The following ATE1 variants were observed in gnomAD, a reference collection of about 807,000 sequenced individuals.
ATE1 encodes arginyltransferase 1, also known as arginyl-tRNA--protein transferase 1.
ATE1 carries 36 observed loss-of-function variants against 70.5 expected under a neutral mutation model. The observed-to-expected ratio is 0.51, with a 90% CI of 0.39 to 0.67. The LOEUF is 0.67. Ranked by LOEUF, ATE1 falls within the 30% of genes least tolerant of loss-of-function variation. The pLI is 0.00. For synonymous variants in ATE1, 232 were observed against 219.3 expected (o/e 1.06, Z -0.51); for missense variants, 593 against 629.5 (o/e 0.94, Z 0.62).
At chr10:121,816,783 T>C (rs1222511588) in intron 10 of ATE1, among the ~76,000 whole-genome samples, 2 of 152,192 alleles carry the variant, frequency 1.3e-5, no homozygotes, top group Non-Finnish European at 2.9e-5. Flanking sequence ...TATTTGTAAA[T>C]CAAACTATTT....
At chr10:121,837,001 C>T (rs1451880571) in intron 9 of ATE1, among the ~76,000 whole-genome samples, 184 bp from the exon 10 acceptor site, 1 of 152,064 alleles carries the variant, frequency 6.6e-6, no homozygotes, top group Non-Finnish European at 1.5e-5. Context: ...TAATAAAACC[C>T]TCTACATAAT....
chr10:121,928,233 G>A (rs1952186343), upstream of ATE1: 5 of 1,369,008 alleles, frequency 3.7e-6, no homozygotes, highest in Non-Finnish European at 4.8e-6. Context: ...ACAGGATGGG[G>A]AGAGTCAAGA....
intron 3 of ATE1, among the ~76,000 whole-genome samples, chr10:121,919,706 C>T (rs1188672982): frequency 1.3e-5 from 2 of 151,370 alleles, no homozygotes; most frequent in Admixed American, 6.6e-5. Flanking sequence ...GAGAGTAGCG[C>T]GGCCAACATG....
intron 3 of ATE1, among the ~76,000 whole-genome samples, chr10:121,914,116 G>A (rs971438571): frequency 6.6e-6 from 1 of 152,002 alleles, no homozygotes; most frequent in African/African-American, 2.4e-5. Flanking sequence ...GCCCAGACTG[G>A]AGTACACTGG....
chr10:121,903,636 G>A (rs985608826), intron 5 of ATE1, among the ~76,000 whole-genome samples: 29 of 152,108 alleles, frequency 1.9e-4, no homozygotes, highest in Non-Finnish European at 3.2e-4. Flanking sequence ...GTGCTGAGCT[G>A]AGATGGCACC....
At chr10:121,906,868 G>A (rs1374306927) in intron 5 of ATE1, among the ~76,000 whole-genome samples, 1 of 152,100 alleles carries the variant, frequency 6.6e-6, no homozygotes, top group African/African-American at 2.4e-5. Flanking sequence ...CAAAGTGTGG[G>A]ATTACAGGTG....
chr10:121,816,516 T>C (rs1947548990), intron 10 of ATE1, among the ~76,000 whole-genome samples: 1 of 152,164 alleles, frequency 6.6e-6, no homozygotes, highest in African/African-American at 2.4e-5. Flanking sequence ...ACTGTGTTTG[T>C]TCCCTTTTTG....
chr10:121,906,701 C>A (rs937424420), intron 5 of ATE1, among the ~76,000 whole-genome samples: 2 of 152,022 alleles, frequency 1.3e-5, no homozygotes, highest in Admixed American at 1.3e-4. Context: ...TGGGTTCAAG[C>A]AATACTCCTG....
intron 7 of ATE1, among the ~76,000 whole-genome samples, chr10:121,893,428 C>T (rs1456463609): frequency 6.6e-6 from 1 of 151,702 alleles, no homozygotes; most frequent in Non-Finnish European, 1.5e-5. Context: ...ATCCATAGAA[C>T]AAATGAGAAC....
intron 5 of ATE1, among the ~76,000 whole-genome samples, chr10:121,906,156 G>A (rs919571637): frequency 6.6e-6 from 1 of 152,178 alleles, no homozygotes; most frequent in African/African-American, 2.4e-5. Flanking sequence ...CACTTTGGGA[G>A]GCCAAGGTGA....
chr10:121,833,332 T>A (rs1181657906), intron 10 of ATE1, among the ~76,000 whole-genome samples: 1 of 152,072 alleles, frequency 6.6e-6, no homozygotes, highest in East Asian at 1.9e-4. Flanking sequence ...TTTCTCACTA[T>A]CCTACATACT....
intron 11 of ATE1, among the ~76,000 whole-genome samples, chr10:121,745,643 TGTGAACCCGGGAGGCGGAGTTTGCA>T (rs1249575402): frequency 2.0e-5 from 3 of 152,008 alleles, no homozygotes; most frequent in Non-Finnish European, 4.4e-5. Flanking sequence ...AGGAGAATGG[TGTGAACCCGGGAGGCGGAGTTTGCA>T]GTGAGCCGAG....
chr10:121,827,547 A>C (rs192214299), intron 10 of ATE1, among the ~76,000 whole-genome samples: 1 of 152,286 alleles, frequency 6.6e-6, no homozygotes, highest in African/African-American at 2.4e-5. Flanking sequence ...AATTTCCACT[A>C]ATTTCAACCA....
intron 8 of ATE1, among the ~76,000 whole-genome samples, chr10:121,854,648 T>C (rs889914692): frequency 6.6e-5 from 10 of 152,160 alleles, no homozygotes; most frequent in African/African-American, 2.2e-4. Context: ...TCGTGACCCA[T>C]ATATTATCCC....
chr10:121,839,978 A>G (rs191680995), intron 9 of ATE1, among the ~76,000 whole-genome samples: 83 of 152,328 alleles, frequency 5.4e-4, no homozygotes, highest in African/African-American at 2.0e-3. Flanking sequence ...GAAAAGAGAA[A>G]AGTATGACAC....
chr10:121,776,221 ACT>A (rs1945732825), intron 11 of ATE1, among the ~76,000 whole-genome samples: 1 of 152,160 alleles, frequency 6.6e-6, no homozygotes, highest in Non-Finnish European at 1.5e-5. Flanking sequence ...ACAATAAATT[ACT>A]GTTAACTATA....
intron 6 of ATE1, among the ~76,000 whole-genome samples, chr10:121,900,312 A>C (rs911411951): frequency 2.6e-5 from 4 of 152,172 alleles, no homozygotes; most frequent in African/African-American, 7.2e-5. Flanking sequence ...ATACACACAC[A>C]AATAAATACC....
chr10:121,847,921 A>G (rs1948897558), intron 8 of ATE1, among the ~76,000 whole-genome samples: 1 of 151,536 alleles, frequency 6.6e-6, no homozygotes, highest in African/African-American at 2.4e-5. Flanking sequence ...ACTACAAAAA[A>G]TTAGCCAGGT....
chr10:121,891,723 A>G (rs990750640), intron 7 of ATE1, among the ~76,000 whole-genome samples: 8 of 152,200 alleles, frequency 5.3e-5, no homozygotes, highest in Non-Finnish European at 1.0e-4. Flanking sequence ...TATTTAAATG[A>G]TTATTTTACA....
Sources: gnomAD v4.1 joint callset for allele counts (sites outside exome capture counted in the v4.1 genomes callset) on GRCh38, gnomAD v4.1.1 for gene constraint, MANE v1.5 for transcripts, NCBI Gene and HGNC (gene_info 2026-07-23, HGNC 2026-07-21) for gene names.